Variants in RBFOX2 observed in about 807,000 individuals in gnomAD.
RBFOX2 encodes the protein RNA binding fox-1 homolog 2, also known as RNA binding protein fox-1 homolog 2.
A neutral mutation model predicts 49.1 loss-of-function variants in RBFOX2; 10 were observed. That is an observed-to-expected ratio of 0.20 (90% CI 0.13 to 0.35). The LOEUF (loss-of-function observed/expected upper bound fraction) is 0.35. Ranked by LOEUF, RBFOX2 falls within the 10% of genes least tolerant of loss-of-function variation. The probability of loss-of-function intolerance (pLI) is 1.00; values close to 1 mark genes in which losing one functional copy is unlikely to be tolerated. For synonymous variants in RBFOX2, 183 were observed against 187.4 expected, an observed-to-expected ratio of 0.98 and a Z score of 0.19; for missense variants, 323 against 486.9, an observed-to-expected ratio of 0.66 and a Z score of 3.17.
intron 1 of RBFOX2, among the ~76,000 whole-genome samples, chr22:35,862,243 A>G (rs2043172589): frequency 1.3e-5 from 2 of 152,176 alleles, no homozygotes; most frequent in African/African-American, 4.8e-5. Flanking sequence ...GCCAAAACCT[A>G]ACAAATTAAT....
intron 1 of RBFOX2, among the ~76,000 whole-genome samples, chr22:35,983,677 C>T (rs901832614): frequency 1.3e-5 from 2 of 152,136 alleles, no homozygotes; most frequent in Non-Finnish European, 2.9e-5. Context: ...GATGGCAAGA[C>T]CTGTATCTAA....
chr22:35,870,770 A>G (rs567516727), intron 1 of RBFOX2, among the ~76,000 whole-genome samples: 1 of 152,296 alleles, frequency 6.6e-6, no homozygotes, highest in South Asian at 2.1e-4. Flanking sequence ...CAGTCTAATG[A>G]ACTATATTCG....
chr22:36,021,510 G>T (rs2059246887), intron 1 of RBFOX2, among the ~76,000 whole-genome samples: 1 of 151,538 alleles, frequency 6.6e-6, no homozygotes, highest in African/African-American at 2.4e-5. Flanking sequence ...ATCTCCAAAT[G>T]CTACTAAAAA....
intron 1 of RBFOX2, chr22:35,999,266 T>C (rs1053824999): frequency 2.6e-5 from 4 of 151,266 alleles, no homozygotes; most frequent in African/African-American, 9.7e-5. Flanking sequence ...AAAATGAATC[T>C]TAAAAAATAA....
At chr22:35,899,040 C>A (rs902204924) in intron 1 of RBFOX2, among the ~76,000 whole-genome samples, 11 of 151,924 alleles carry the variant, frequency 7.2e-5, no homozygotes, top group Non-Finnish European at 5.9e-5. Context: ...ATTGCTTGAA[C>A]CCAGGAGGCA....
chr22:35,957,620 T>G (rs1177534145), intron 1 of RBFOX2, among the ~76,000 whole-genome samples: 1 of 152,206 alleles, frequency 6.6e-6, no homozygotes, highest in African/African-American at 2.4e-5. Context: ...AACATTATTC[T>G]CTTTTGATTG....
At chr22:35,934,790 C>T (rs1341824702) in intron 1 of RBFOX2, among the ~76,000 whole-genome samples, 1 of 152,196 alleles carries the variant, frequency 6.6e-6, no homozygotes, top group Non-Finnish European at 1.5e-5. Context: ...TATTCTCCCA[C>T]TTTAAAAATA....
intron 2 of RBFOX2, among the ~76,000 whole-genome samples, chr22:35,782,510 A>T (rs1945384940): frequency 6.6e-6 from 1 of 152,136 alleles, no homozygotes; most frequent in Non-Finnish European, 1.5e-5. Context: ...TTTGGTAGAG[A>T]CGGGGTTTCA....
chr22:35,906,676 G>A (rs970474078), intron 1 of RBFOX2, among the ~76,000 whole-genome samples: 4 of 151,936 alleles, frequency 2.6e-5, no homozygotes, highest in African/African-American at 9.7e-5. Flanking sequence ...TTAGCCGGGC[G>A]TGGTGGCACA....
intron 1 of RBFOX2, among the ~76,000 whole-genome samples, chr22:35,907,835 C>T (rs984160800): frequency 6.6e-6 from 1 of 151,952 alleles, no homozygotes; most frequent in Non-Finnish European, 1.5e-5. Context: ...TTAGTGGAGA[C>T]GGGTTTTTGT....
rs113125344 is a variant in RBFOX2 at position 35,991,923 on chromosome 22, T to G, written c.186+36317A>C. 2.3e-3 allele frequency among the ~76,000 whole-genome samples: 350 copies of G among 152,332 alleles called. 1 individual carries two copies. Among genetic ancestry groups the G allele is most frequent in the African/African-American group, 8.3e-3 (343 of 41,572 alleles). ...ATTACTTTTTTACACACCTAATATA[T>G]GTAACCACTCCTGTGGCTAAGTGCT... On this transcript the variant is annotated intron_variant, in intron 1 of 13. Transcript: ENST00000438146.
chr22:35,761,367 G>A (rs775125505), intron 7 of RBFOX2, 48 bp downstream of exon 8: 1 of 1,611,064 alleles, frequency 6.2e-7, no homozygotes, highest in East Asian at 2.2e-5. Context: ...AACAGCAGAT[G>A]CTATTACAAT....
intron 1 of RBFOX2, among the ~76,000 whole-genome samples, chr22:35,949,027 T>C (rs986174968): frequency 6.6e-6 from 1 of 152,182 alleles, no homozygotes; most frequent in Non-Finnish European, 1.5e-5. Context: ...TCCATCAATG[T>C]GACTACTTTA....
intron 1 of RBFOX2, among the ~76,000 whole-genome samples, chr22:35,961,068 T>C (rs940892326): frequency 6.6e-6 from 1 of 152,214 alleles, no homozygotes; most frequent in Non-Finnish European, 1.5e-5. Context: ...GCATGCAGTT[T>C]TCCTTTCTGC....
At chr22:35,943,657 G>C (rs1046173680), upstream of RBFOX2, among the ~76,000 whole-genome samples, 2 of 152,180 alleles carry the variant, frequency 1.3e-5, no homozygotes, top group Admixed American at 1.3e-4. Context: ...CCAGCACTTT[G>C]CGAGGCTGAG....
intron 1 of RBFOX2, among the ~76,000 whole-genome samples, chr22:35,877,359 A>G (rs772497648): frequency 2.2e-4 from 34 of 152,174 alleles, no homozygotes; most frequent in Admixed American, 3.9e-4. Context: ...AAGATTAAAC[A>G]GTAGAAGAGA....
At chr22:36,000,923 A>G (rs2058388623) in intron 1 of RBFOX2, among the ~76,000 whole-genome samples, 1 of 152,218 alleles carries the variant, frequency 6.6e-6, no homozygotes, top group South Asian at 2.1e-4. Flanking sequence ...ACACTGTTAC[A>G]GATCATCTTG....
intron 2 of RBFOX2, among the ~76,000 whole-genome samples, chr22:35,794,328 C>T (rs1184909987): frequency 1.3e-5 from 2 of 152,124 alleles, no homozygotes; most frequent in Non-Finnish European, 2.9e-5. Context: ...AATCACTTAA[C>T]ACCACTGACC....
At chr22:36,010,669 G>A (rs1303123027) in intron 1 of RBFOX2, among the ~76,000 whole-genome samples, 1 of 151,806 alleles carries the variant, frequency 6.6e-6, no homozygotes, top group African/African-American at 2.4e-5. Flanking sequence ...AACTGTGCTA[G>A]AGTCAAGCCT....
Sources: allele counts gnomAD v4.1 joint callset (sites outside exome capture counted in the v4.1 genomes callset), GRCh38; gene constraint gnomAD v4.1.1; transcripts MANE v1.5; gene names NCBI Gene and HGNC (gene_info 2026-07-23, HGNC 2026-07-21).